The following GRAMD1A variants were observed in gnomAD, a reference collection of about 807,000 sequenced individuals.
GRAMD1A encodes protein Aster-A.
In GRAMD1A, 50 loss-of-function variants were observed where a neutral mutation model predicts 92.0. The observed-to-expected ratio is 0.54, with a 90% CI of 0.43 to 0.69. The LOEUF (loss-of-function observed/expected upper bound fraction) is 0.69, where lower values mean the gene tolerates loss of function less well. GRAMD1A is among the 30% of genes least tolerant of loss of function. The pLI is 0.00. For synonymous variants in GRAMD1A, 405 were observed against 403.6 expected, an observed-to-expected ratio of 1.00 and a Z score of -0.04; for missense variants, 819 against 978.9, an observed-to-expected ratio of 0.84 and a Z score of 2.18.
chr19:35,018,774 G>T (rs1600324777), intron 11 of GRAMD1A, among the ~76,000 whole-genome samples: 1 of 152,114 alleles, frequency 6.6e-6, no homozygotes, highest in Non-Finnish European at 1.5e-5. Flanking sequence ...GTTTGAGTAG[G>T]GGGTGTCCAG....
chr19:35,011,448 CCT>C (rs140658050), intron 6 of GRAMD1A, 24 bp from the exon 7 acceptor site: 43,420 of 934,654 alleles, frequency 0.046, no homozygotes, highest in East Asian at 0.058. Flanking sequence ...CCTGCTCACA[CCT>C]CTCTCTCTCT....
rs2016038072 is a variant in GRAMD1A at position 35,021,396 on chromosome 19, A to G, written c.1476-106A>G. On this transcript the variant is annotated intron_variant, in intron 13 of 19. Transcript: ENST00000317991. The surrounding 1 kb of genome is among the most constrained non-coding windows in gnomAD (Gnocchi z 5.3). ...CCATCTGTTTTGTCTGTGAGTGACA[A>G]GGGGCCCTCTCTGAATTAGGGGAAG... The G allele has an allele frequency of 1.2e-6, 1 of 806,108 alleles. No homozygotes were observed. The highest frequency in any genetic ancestry group is 1.7e-5 in the African/African-American group (1 of 59,372). The allele number at this position is 806,108 out of a possible 1,614,324, so 49.9% of individuals were successfully genotyped here.
chr19:34,999,022 G>C (rs1464584855), upstream of GRAMD1A, among the ~76,000 whole-genome samples: 1 of 152,080 alleles, frequency 6.6e-6, no homozygotes, highest in Admixed American at 6.6e-5. Context: ...GCTGGGGCAG[G>C]GCTCTGAGCC....
chr19:35,008,620 A>G (rs971534258), intron 1 of GRAMD1A, among the ~76,000 whole-genome samples: 1 of 152,194 alleles, frequency 6.6e-6, no homozygotes, highest in African/African-American at 2.4e-5. Context: ...AGAGTTTGAG[A>G]CCAGCCCAGC....
chr19:35,005,766 G>A (rs1400899826), intron 1 of GRAMD1A: 1 of 427,566 alleles, frequency 2.3e-6, no homozygotes, highest in Non-Finnish European at 4.8e-6. Flanking sequence ...TGAAGGACTT[G>A]GACCTGTCAT....
chr19:35,023,434 C>A lies in GRAMD1A; in HGVS notation c.1969C>A (p.Pro657Thr), dbSNP rs1363057731. 3 of 1,592,922 alleles carry A rather than the reference C, an allele frequency of 1.9e-6. No homozygotes were observed. The African/African-American group carries it at 4.1e-5, about 22-fold the overall frequency. Reference sequence around the variant, plus strand: ...GGCCTGGCATCCCCACAGCAAGTTCCCCCAGACGGCCACAGAGTGGGCCGA... The same window carrying A: ...GGCCTGGCATCCCCACAGCAAGTTCACCCAGACGGCCACAGAGTGGGCCGA... ...HSLALAKGKF[P>T]QTATEWAEIL... Residue 657 changes from proline to threonine, a missense_variant, in exon 19 of 20, where the codon CCC (proline) becomes ACC (threonine). Coordinates refer to ENST00000317991, the MANE Select transcript of GRAMD1A (RefSeq NM_020895.5).
intron 13 of GRAMD1A, among the ~76,000 whole-genome samples, chr19:35,020,986 T>C (rs950961148): frequency 6.6e-6 from 1 of 152,122 alleles, no homozygotes; most frequent in Non-Finnish European, 1.5e-5. Context: ...TGCTGAGAGA[T>C]TGGATGTGGC....
intron 16 of GRAMD1A, 31 bp downstream of exon 16, chr19:35,022,069 A>C: frequency 4.6e-6 from 7 of 1,525,662 alleles, no homozygotes; most frequent in Non-Finnish European, 6.3e-6. Context: ...GTGGCCACAC[A>C]GGCCTGAACC....
intron 7 of GRAMD1A, among the ~76,000 whole-genome samples, chr19:35,012,047 C>A (rs1391287335): frequency 1.3e-5 from 2 of 152,234 alleles, no homozygotes; most frequent in African/African-American, 4.8e-5. Flanking sequence ...AGGGCAGAGC[C>A]CCGGGATTCC....
upstream of GRAMD1A, among the ~76,000 whole-genome samples, chr19:34,997,935 G>A (rs2151693123): frequency 6.6e-6 from 1 of 152,110 alleles, no homozygotes; most frequent in African/African-American, 2.4e-5. Flanking sequence ...AGGCATGGTG[G>A]CGCATGCCTG....
Position 35,000,326 on chromosome 19 carries a change from T to C in GRAMD1A, c.-153T>C. The C allele has an allele frequency of 1.9e-6, 2 of 1,058,312 alleles. No homozygotes were observed. The highest frequency in any genetic ancestry group is 7.8e-5 in the East Asian group (1 of 12,884). 65.6% of individuals were successfully genotyped at this position (1,058,312 alleles called of 1,614,324 possible). On this transcript the variant is annotated 5_prime_UTR_variant, in exon 1 of 20. Transcript: ENST00000317991. This position sits in a 1 kb window ranked among gnomAD's most constrained non-coding sequence, Gnocchi z 4.9. ...GGCGGCCTCCGGCGGCTCCGGCCTT[T>C]TGTGCGGGCGGTTGGGTCGGGTGGG...
At chr19:35,009,391 G>A (rs2015058433) in intron 2 of GRAMD1A, 32 bp from the exon 3 acceptor site, 1 of 1,614,022 alleles carries the variant, frequency 6.2e-7, no homozygotes, top group Non-Finnish European at 8.5e-7. Context: ...TGATCTAGGG[G>A]CTCATCCTGA....
Position 35,023,316 on chromosome 19 carries a change from C to T in GRAMD1A, c.1934C>T (p.Ser645Phe), listed in dbSNP as rs371582697. ...GAAAGGACAGCCCACACCTTTGAGT[C>T]CTGGCACAGCCTGGCCCTGGCCAAG... ...SLERTAHTFE[S>F]WHSLALAKGK... The change falls in exon 18 of 20, where the codon TCC becomes TTC. Residue 645 changes from serine to phenylalanine, a missense_variant. Around this residue, in one of 3 missense-constraint regions of GRAMD1A, gnomAD observed 577 missense variants for 674.6 expected, o/e 0.86. Coordinates refer to ENST00000317991, the MANE Select transcript of GRAMD1A (RefSeq NM_020895.5). 15 of 1,614,028 alleles carry T rather than the reference C, an allele frequency of 9.3e-6. No individual in the cohort carries two copies. In the African/African-American group the frequency reaches 1.7e-4, roughly 19 times the overall value.
At chr19:35,011,646 C>T (rs2151715472) in intron 7 of GRAMD1A, 92 bp downstream of exon 7, 1 of 882,488 alleles carries the variant, frequency 1.1e-6, no homozygotes, top group East Asian at 2.4e-5. Flanking sequence ...GGAGGCAGCC[C>T]TGGCTCTTCT....
At chr19:34,996,573 G>A (rs544871170), upstream of GRAMD1A, among the ~76,000 whole-genome samples, 84 of 152,346 alleles carry the variant, frequency 5.5e-4, no homozygotes, top group African/African-American at 1.8e-3. Context: ...TTGGGAGGCC[G>A]AAGCTGGTGG....
chr19:35,014,948 C>T (rs1029692468), intron 10 of GRAMD1A: 1 of 157,304 alleles, frequency 6.4e-6, no homozygotes, highest in Non-Finnish European at 1.4e-5. Context: ...AAGAGGATCA[C>T]ATGAGGCCAA....
chr19:35,021,452 C>A lies in GRAMD1A; in HGVS notation c.1476-50C>A. 1 of 1,367,766 alleles carries A rather than the reference C, an allele frequency of 7.3e-7. No homozygotes were observed. The highest frequency in any genetic ancestry group is 1.0e-6 in the Non-Finnish European group (1 of 955,932). 84.7% of individuals were successfully genotyped at this position (1,367,766 alleles called of 1,614,324 possible). ...AACTCAGCTTGTGGGACGGGGCAGC[C>A]AGGGCTGGAGTCAGACCCTTACCTC... is the stretch of plus-strand genomic sequence containing the variant. On this transcript the variant is annotated intron_variant, in intron 13 of 19. Transcript: ENST00000317991. The surrounding 1 kb of genome is among the most constrained non-coding windows in gnomAD (Gnocchi z 5.3).
rs1600303938 is a variant in GRAMD1A at position 35,013,102 on chromosome 19, C to T, written c.607-154C>T. ...CTGGAGGGGCTGTAGCAGGGGATTC[C>T]CCGCTTGCTGAGGCCAGGTCTGGTG... is the stretch of plus-strand genomic sequence containing the variant. On this transcript the variant is annotated intron_variant, in intron 7 of 19. Transcript: ENST00000317991. This position sits in a 1 kb window ranked among gnomAD's most constrained non-coding sequence, Gnocchi z 4.9. 8.6e-6 allele frequency: 5 copies of T among 582,000 alleles called. No individual in the cohort carries two copies. Among genetic ancestry groups the T allele is most frequent in the East Asian group, 2.8e-5 (1 of 35,910 alleles). 36.1% of individuals were successfully genotyped at this position (582,000 alleles called of 1,614,324 possible).
Position 35,010,168 on chromosome 19 carries a change from C to G in GRAMD1A, c.402C>G (p.Tyr134Ter). ...TCTCTGAGAACTGGATCTGCTTCTA[C>G]AGCAACATCTTCCGCTGGGAGACCA... ...LYLSENWICF[Y>*]SNIFRWETTI... Residue 134 changes from tyrosine to a stop codon, truncating the protein, a stop_gained, in exon 5 of 20, where the codon TAC becomes TAG. Coordinates refer to ENST00000317991, the MANE Select transcript of GRAMD1A (RefSeq NM_020895.5). LOFTEE classifies it high-confidence loss of function. 1 of 1,613,038 alleles carries G rather than the reference C, an allele frequency of 6.2e-7. No homozygotes were observed. The highest frequency in any genetic ancestry group is 8.5e-7 in the Non-Finnish European group (1 of 1,178,952).
Sources: gnomAD v4.1 joint callset for allele counts (sites outside exome capture counted in the v4.1 genomes callset) on GRCh38, gnomAD v4.1.1 for gene constraint, gnomAD v4.1.1 regional missense constraint, Gnocchi (gnomAD v3.1) non-coding constraint, MANE v1.5 for transcripts, NCBI Gene and HGNC (gene_info 2026-07-23, HGNC 2026-07-21) for gene names.